Variants in PPARGC1B observed in about 807,000 individuals in gnomAD.
The protein encoded by PPARGC1B is PPARG coactivator 1 beta.
A neutral mutation model predicts 101.6 loss-of-function variants in PPARGC1B; 34 were observed. The observed-to-expected ratio is 0.33, with a 90% CI of 0.25 to 0.45. The LOEUF is 0.45. PPARGC1B is among the 20% of genes least tolerant of loss of function. The pLI is 1.00. For missense variants in PPARGC1B, 1,234 were observed against 1,317.6 expected, an observed-to-expected ratio of 0.94 and a Z score of 0.98; for synonymous variants, 548 against 539.3, an observed-to-expected ratio of 1.02 and a Z score of -0.22.
intron 3 of PPARGC1B, among the ~76,000 whole-genome samples, chr5:149,829,815 C>T (rs931993742): frequency 2.0e-5 from 3 of 151,706 alleles, no homozygotes; most frequent in Non-Finnish European, 2.9e-5. Flanking sequence ...GCGGGCAGAT[C>T]GCTTAAGGTC....
intron 1 of PPARGC1B, among the ~76,000 whole-genome samples, chr5:149,818,543 C>A (rs189702974): frequency 2.5e-4 from 38 of 152,242 alleles, no homozygotes; most frequent in African/African-American, 8.4e-4. Flanking sequence ...AGACATTTGA[C>A]CCAAATTTGG....
intron 1 of PPARGC1B, among the ~76,000 whole-genome samples, chr5:149,804,215 G>A (rs1243266159): frequency 1.3e-5 from 2 of 152,184 alleles, no homozygotes; most frequent in Admixed American, 1.3e-4. Context: ...GTGCCTCTGC[G>A]CCTCCACCCC....
chr5:149,813,633 C>T (rs1394939441), intron 1 of PPARGC1B, among the ~76,000 whole-genome samples: 1 of 152,176 alleles, frequency 6.6e-6, no homozygotes, highest in African/African-American at 2.4e-5. Flanking sequence ...CACTGGCCAT[C>T]CGCTGCACCT....
At chr5:149,855,367 G>A (rs1030737626), downstream of PPARGC1B, among the ~76,000 whole-genome samples, 5 of 152,138 alleles carry the variant, frequency 3.3e-5, no homozygotes, top group Non-Finnish European at 7.3e-5. Context: ...TCACATAACA[G>A]CTGTTCCATG....
Position 149,738,789 on chromosome 5 carries a change from G to A in PPARGC1B, c.78+8369G>A, listed in dbSNP as rs146560425. 8.2e-3 allele frequency among the ~76,000 whole-genome samples: 1,242 copies of A among 152,254 alleles called. 19 individuals are homozygous for A. The highest frequency in any genetic ancestry group is 0.027 in the African/African-American group (1,133 of 41,528). On this transcript the variant is annotated intron_variant, in intron 1 of 11. Transcript: ENST00000309241. The stretch of plus-strand genomic sequence containing the variant: ...TTTTTATATTTTTAGTAGAGATGGG[G>A]TTTCACCATATTGGCCAGGCTGGTC...
In PPARGC1B at chr5:149,837,258, T is replaced by C. The variant is rs1278847076; in HGVS notation, c.2618+185T>C. Among the ~76,000 whole-genome samples, 2 of 151,812 alleles carry C rather than the reference T, an allele frequency of 1.3e-5. No individual in the cohort carries two copies. The highest frequency in any genetic ancestry group is 1.9e-4 in the East Asian group (1 of 5,154). On this transcript the variant is annotated intron_variant, in intron 8 of 11. Coordinates refer to ENST00000309241, the MANE Select transcript of PPARGC1B (RefSeq NM_133263.4). The surrounding 1 kb of genome is among the most constrained non-coding windows in gnomAD (Gnocchi z 4.2). The stretch of plus-strand genomic sequence containing the variant: ...GTCTTCTGGGGCAGTTGTGGGTGAG[T>C]TCTGGAGGCAGGCACAGCCTGGTCT...
intron 1 of PPARGC1B, among the ~76,000 whole-genome samples, chr5:149,790,267 A>T (rs1756967409): frequency 6.6e-6 from 1 of 152,116 alleles, no homozygotes; most frequent in South Asian, 2.1e-4. Flanking sequence ...CCAGGACCAG[A>T]ATCTTTTGGC....
chr5:149,802,335 G>A (rs1046640720), intron 1 of PPARGC1B, among the ~76,000 whole-genome samples: 4 of 152,144 alleles, frequency 2.6e-5, no homozygotes, highest in South Asian at 2.1e-4. Flanking sequence ...GAGCTGAACC[G>A]GTTGTGTCTC....
rs756839889 is a variant in PPARGC1B at position 149,833,411 on chromosome 5, G to A, written c.1338G>A (p.Glu446=). 2.5e-6 allele frequency: 4 copies of A among 1,596,448 alleles called. No individual in the cohort carries two copies. The Admixed American group carries it at 7.1e-5, about 28-fold the overall frequency. The change falls in exon 5 of 12, where the codon GAG becomes GAA. Residue 446 remains glutamate, a synonymous_variant. Coordinates refer to ENST00000309241, the MANE Select transcript of PPARGC1B (RefSeq NM_133263.4). The surrounding 1 kb of genome is among the most constrained non-coding windows in gnomAD (Gnocchi z 4.1). The part of the protein sequence containing the change: ...EEEEEEEEEK[E]EEEEWGRKRP... ...AGGAGGAAGAGGAAGAAGAAAAAGA[G>A]GAGGAGGAGGAGTGGGGCAGGAAAA...
At chr5:149,814,945 G>T (rs1396824563) in intron 1 of PPARGC1B, among the ~76,000 whole-genome samples, 1 of 152,236 alleles carries the variant, frequency 6.6e-6, no homozygotes, top group Non-Finnish European at 1.5e-5. Context: ...CAGTGTGTTT[G>T]GTCCCAGGTC....
rs1172509571 is a variant in PPARGC1B at position 149,853,096 on chromosome 5, A to G, written c.*5538A>G. 1 of 152,188 alleles carries G rather than the reference A, an allele frequency of 6.6e-6. No individual in the cohort carries two copies. The highest frequency in any genetic ancestry group is 6.5e-5 in the Admixed American group (1 of 15,278). 9.4% of individuals were successfully genotyped at this position (152,188 alleles called of 1,614,324 possible). On this transcript the variant is annotated 3_prime_UTR_variant, in exon 12 of 12. Transcript: ENST00000309241. The surrounding 1 kb of genome is among the most constrained non-coding windows in gnomAD (Gnocchi z 4.2). ...GTCAAAGGAGTCTCCAAGGCGGCTT[A>G]CAAAAGCTTCCTTTTTCACTTGACC...
intron 1 of PPARGC1B, among the ~76,000 whole-genome samples, chr5:149,747,173 C>T (rs1755122186): frequency 1.3e-5 from 2 of 152,144 alleles, no homozygotes; most frequent in Admixed American, 1.3e-4. Context: ...CATTTTCAAA[C>T]CCAATGTCAG....
At chr5:149,763,107 C>T (rs1314143409) in intron 1 of PPARGC1B, among the ~76,000 whole-genome samples, 1 of 152,204 alleles carries the variant, frequency 6.6e-6, no homozygotes, top group Non-Finnish European at 1.5e-5. Flanking sequence ...TGAGCACCTT[C>T]AGGTCCCTTG....
At chr5:149,844,123 G>A (rs902983129) in intron 10 of PPARGC1B, among the ~76,000 whole-genome samples, 3 of 152,160 alleles carry the variant, frequency 2.0e-5, no homozygotes, top group Non-Finnish European at 4.4e-5. Context: ...AAATGGCAAA[G>A]ATGGTAAATG....
At chr5:149,819,921 A>G (rs1338801203) in intron 1 of PPARGC1B, among the ~76,000 whole-genome samples, 2 of 152,254 alleles carry the variant, frequency 1.3e-5, no homozygotes, top group East Asian at 1.9e-4. Flanking sequence ...TACATCATAT[A>G]TGTAATTTTA....
intron 11 of PPARGC1B, chr5:149,847,081 T>A (rs1759593116): frequency 6.0e-6 from 2 of 335,040 alleles, no homozygotes; most frequent in South Asian, 5.5e-5. Flanking sequence ...CGAGACTGCA[T>A]CTCAAAAAAA....
downstream of PPARGC1B, among the ~76,000 whole-genome samples, chr5:149,856,771 C>CTTTTTTTT (rs562000427): frequency 3.9e-5 from 5 of 129,118 alleles, no homozygotes; most frequent in Non-Finnish European, 3.3e-5. Flanking sequence ...AGCTGCTTGG[C>CTTTTTTTT]TTTTTTTTTT....
At chr5:149,768,078 T>C (rs1755984000) in intron 1 of PPARGC1B, among the ~76,000 whole-genome samples, 1 of 151,748 alleles carries the variant, frequency 6.6e-6, no homozygotes, top group Non-Finnish European at 1.5e-5. Flanking sequence ...CTCCGTAATC[T>C]TGTTTTGGTT....
intron 2 of PPARGC1B, 126 bp from the exon 3 acceptor site, chr5:149,826,547 G>T: frequency 1.4e-6 from 1 of 712,076 alleles, no homozygotes. Flanking sequence ...GGGAGGGTAT[G>T]GCAGGAGGGT....
Sources: allele counts gnomAD v4.1 joint callset (sites outside exome capture counted in the v4.1 genomes callset), GRCh38; gene constraint gnomAD v4.1.1; non-coding constraint Gnocchi (gnomAD v3.1); transcripts MANE v1.5; gene names NCBI Gene and HGNC (gene_info 2026-07-23, HGNC 2026-07-21).